ARHGAP24: variants seen among roughly 807,000 people sequenced by gnomAD.
ARHGAP24 encodes the protein Rho GTPase activating protein 24, also known as rho GTPase-activating protein 24.
Under a neutral mutation model 76.4 loss-of-function variants are expected in ARHGAP24, and 50 were observed. That is an observed-to-expected ratio of 0.65 (90% CI 0.52 to 0.83). The LOEUF (loss-of-function observed/expected upper bound fraction) is 0.83, where lower values mean the gene tolerates loss of function less well. ARHGAP24 is among the 40% of genes least tolerant of loss of function. The pLI, the probability that ARHGAP24 is intolerant of heterozygous loss-of-function variation, is 0.00. For synonymous variants in ARHGAP24, 345 were observed against 323.3 expected (o/e 1.07, Z -0.72); for missense variants, 930 against 914.2 (o/e 1.02, Z -0.22).
intron 4 of ARHGAP24, chr4:85,930,497 T>C: frequency 1.0e-6 from 1 of 992,270 alleles, no homozygotes; most frequent in Non-Finnish European, 1.2e-6. Context: ...TTGTTCCTCT[T>C]TCCTCTTGCA....
At position 85,721,946 on chromosome 4, in the gene ARHGAP24, G is replaced by A. The variant is rs1370415139; in HGVS notation, c.242G>A (p.Gly81Glu). 1.2e-6 allele frequency: 2 copies of A among 1,613,390 alleles called. No homozygotes were observed. The highest frequency in any genetic ancestry group is 1.7e-5 in the Admixed American group (1 of 59,982). The change falls in exon 3 of 10, where the codon GGG (glycine) becomes GAG (glutamate). Residue 81 changes from glycine to glutamate, a missense_variant. Transcript: ENST00000395184. ...CATCCCTGCAATGAAGAGAACCCAG[G>A]GAAGTTCCTTTTTGAAGTAGTTCCA... ...SEHPCNEENP[G>E]KFLFEVVPGG...
chr4:85,790,298 C>T (rs936858448), intron 3 of ARHGAP24, among the ~76,000 whole-genome samples: 24 of 152,100 alleles, frequency 1.6e-4, no homozygotes, highest in African/African-American at 5.1e-4. Flanking sequence ...TTTTTCACAC[C>T]ATATCTTGAT....
chr4:85,835,426 G>A (rs1310188620), intron 3 of ARHGAP24, among the ~76,000 whole-genome samples: 1 of 151,446 alleles, frequency 6.6e-6, no homozygotes, highest in South Asian at 2.1e-4. Context: ...CAGGCGTGGT[G>A]GCGGGCGTCT....
intron 1 of ARHGAP24, among the ~76,000 whole-genome samples, chr4:85,533,028 G>C (rs965133411): frequency 1.3e-5 from 2 of 152,200 alleles, no homozygotes; most frequent in African/African-American, 4.8e-5. Flanking sequence ...CATCTTCAAG[G>C]CTGTTAGTTT....
chr4:85,963,065 A>G (rs1738359316), intron 5 of ARHGAP24, among the ~76,000 whole-genome samples: 1 of 152,040 alleles, frequency 6.6e-6, no homozygotes, highest in Non-Finnish European at 1.5e-5. Flanking sequence ...TTACAATAGA[A>G]TCTCTGTAGT....
intron 2 of ARHGAP24, among the ~76,000 whole-genome samples, chr4:85,618,107 T>C (rs1344530027): frequency 2.6e-5 from 4 of 152,214 alleles, no homozygotes; most frequent in Non-Finnish European, 4.4e-5. Flanking sequence ...TCATCCTACT[T>C]AAGTGAAACT....
At chr4:85,480,174 A>G (rs911919862) in intron 1 of ARHGAP24, among the ~76,000 whole-genome samples, 2 of 152,210 alleles carry the variant, frequency 1.3e-5, no homozygotes, top group African/African-American at 4.8e-5. Flanking sequence ...AGTCAATATA[A>G]AAGAGATGAG....
At chr4:85,486,301 T>A (rs1723048134) in intron 1 of ARHGAP24, among the ~76,000 whole-genome samples, 1 of 151,888 alleles carries the variant, frequency 6.6e-6, no homozygotes, top group African/African-American at 2.4e-5. Flanking sequence ...ATCTTGACAA[T>A]GACTGGATGA....
intron 3 of ARHGAP24, among the ~76,000 whole-genome samples, chr4:85,915,283 A>T (rs1735317330): frequency 6.6e-6 from 1 of 152,238 alleles, no homozygotes; most frequent in African/African-American, 2.4e-5. Flanking sequence ...AAAAATAGTG[A>T]AATATAAACT....
At chr4:85,876,512 A>G (rs1732946429) in intron 3 of ARHGAP24, among the ~76,000 whole-genome samples, 2 of 152,124 alleles carry the variant, frequency 1.3e-5, no homozygotes, top group African/African-American at 4.8e-5. Context: ...CAATCCCTTT[A>G]CCTTATGAAA....
intron 2 of ARHGAP24, among the ~76,000 whole-genome samples, chr4:85,708,883 GT>G (rs1194634920): frequency 6.6e-6 from 1 of 152,122 alleles, no homozygotes; most frequent in Non-Finnish European, 1.5e-5. Context: ...GAGTCCTACA[GT>G]TTACAAATTC....
chr4:85,751,834 G>A lies in ARHGAP24; in HGVS notation c.268+29862G>A, dbSNP rs117809651. Among the ~76,000 whole-genome samples the A allele has an allele frequency of 3.9e-4, 59 of 152,294 alleles. No individual in the cohort carries two copies. The East Asian group carries it at 0.011, about 28-fold the overall frequency. ...GGACCTGGACTCCCAGTGGGCTCTA[G>A]AATGACATTAGGTAAATCATTTAAC... is the stretch of plus-strand genomic sequence containing the variant. On this transcript the variant is annotated intron_variant, in intron 3 of 9. Transcript: ENST00000395184.
chr4:85,873,145 C>G (rs1732638464), intron 3 of ARHGAP24, among the ~76,000 whole-genome samples: 1 of 152,258 alleles, frequency 6.6e-6, no homozygotes, highest in East Asian at 1.9e-4. Context: ...AGAATATGGA[C>G]TTGCAAGTTA....
At chr4:85,879,863 C>T (rs1051037674) in intron 3 of ARHGAP24, among the ~76,000 whole-genome samples, 12 of 151,922 alleles carry the variant, frequency 7.9e-5, no homozygotes, top group African/African-American at 2.9e-4. Context: ...CAGGGAGAGG[C>T]GGGGAGGGAT....
At chr4:85,765,057 T>C (rs1442078988) in intron 3 of ARHGAP24, among the ~76,000 whole-genome samples, 3 of 152,144 alleles carry the variant, frequency 2.0e-5, no homozygotes, top group African/African-American at 7.2e-5. Context: ...GTGGAACATT[T>C]GTTTGACTTT....
chr4:85,583,928 A>G (rs1400602298), intron 2 of ARHGAP24, among the ~76,000 whole-genome samples: 1 of 114,840 alleles, frequency 8.7e-6, no homozygotes, highest in Non-Finnish European at 1.9e-5. Flanking sequence ...CAATCGTTAA[A>G]AAGTCAGGAA....
intron 3 of ARHGAP24, among the ~76,000 whole-genome samples, chr4:85,781,989 A>G (rs1320119205): frequency 2.7e-5 from 4 of 147,828 alleles, no homozygotes; most frequent in African/African-American, 5.0e-5. Context: ...GTGAGCCGAG[A>G]TCACACCACT....
intron 2 of ARHGAP24, among the ~76,000 whole-genome samples, chr4:85,707,472 G>T (rs1724359431): frequency 6.6e-6 from 1 of 152,040 alleles, no homozygotes; most frequent in South Asian, 2.1e-4. Context: ...CCAATAATAT[G>T]CTCCATTGAT....
intron 2 of ARHGAP24, among the ~76,000 whole-genome samples, chr4:85,677,836 T>C (rs989991486): frequency 8.5e-5 from 13 of 152,336 alleles, no homozygotes; most frequent in African/African-American, 2.6e-4. Flanking sequence ...TTATCAAGTT[T>C]TTAAAGAGCT....
Sources: allele counts gnomAD v4.1 joint callset (sites outside exome capture counted in the v4.1 genomes callset), GRCh38; gene constraint gnomAD v4.1.1; transcripts MANE v1.5; gene names NCBI Gene and HGNC (gene_info 2026-07-23, HGNC 2026-07-21).